NDC80: variants seen among roughly 807,000 people sequenced by gnomAD.
NDC80 encodes the protein kinetochore protein NDC80 homolog.
Under a neutral mutation model 89.3 loss-of-function variants are expected in NDC80, and 69 were observed. The observed-to-expected ratio is 0.77, with a 90% CI of 0.64 to 0.94. The LOEUF (loss-of-function observed/expected upper bound fraction) is 0.94, where lower values mean the gene tolerates loss of function less well. NDC80 is among the 40% of genes least tolerant of loss of function. The probability of loss-of-function intolerance (pLI) is 0.00; values close to 1 mark genes in which losing one functional copy is unlikely to be tolerated. For synonymous variants in NDC80, 243 were observed against 255.6 expected (o/e 0.95, Z 0.47); for missense variants, 593 against 739.6 (o/e 0.80, Z 2.30).
At chr18:2,583,787 C>T (rs922655988) in intron 6 of NDC80, among the ~76,000 whole-genome samples, 14 of 151,966 alleles carry the variant, frequency 9.2e-5, no homozygotes, top group African/African-American at 7.3e-5. Context: ...CTTCTGCATC[C>T]GCCTTAGATA....
chr18:2,585,181 A>C lies in NDC80; in HGVS notation c.648A>C (p.Glu216Asp). 1 of 1,612,654 alleles carries C rather than the reference A, an allele frequency of 6.2e-7. No homozygotes were observed. ...DDGQPWGEETEDGIMHNKLFL... is the reference protein window; with the variant it reads ...DDGQPWGEETDDGIMHNKLFL... ...GGCAGCCTTGGGGAGAAGAAACTGA[A>C]GATGGAATTATGCATAATAAGGTAC... is the stretch of plus-strand genomic sequence containing the variant. The change falls in exon 7 of 17, where the codon GAA becomes GAC. Residue 216 changes from glutamate to aspartate, a missense_variant. Transcript: ENST00000261597.
intron 10 of NDC80, among the ~76,000 whole-genome samples, chr18:2,590,765 A>G (rs8093338): frequency 0.39 from 59,485 of 152,050 alleles, 12,878 homozygotes; most frequent in East Asian, 0.68. Flanking sequence ...TACTCCTTAC[A>G]TGTTTTCAAG....
At chr18:2,586,969 C>G (rs2072605727) in intron 7 of NDC80, among the ~76,000 whole-genome samples, 1 of 152,120 alleles carries the variant, frequency 6.6e-6, no homozygotes, top group Non-Finnish European at 1.5e-5. Flanking sequence ...CAAAATTGAC[C>G]AAGCTTAAGG....
intron 15 of NDC80, among the ~76,000 whole-genome samples, chr18:2,610,382 A>G (rs1568013033): frequency 6.6e-6 from 1 of 152,106 alleles, no homozygotes; most frequent in Admixed American, 6.6e-5. Flanking sequence ...TTGGCCTGCA[A>G]TTTTATTGGT....
Position 2,578,931 on chromosome 18 carries a change from C to A in NDC80, c.481C>A (p.Pro161Thr). 1 of 1,497,996 alleles carries A rather than the reference C, an allele frequency of 6.7e-7. No individual in the cohort carries two copies. Among genetic ancestry groups the A allele is most frequent in the Non-Finnish European group, 8.9e-7 (1 of 1,120,010 alleles). 92.8% of individuals were successfully genotyped at this position (1,497,996 alleles called of 1,614,324 possible). The change falls in exon 6 of 17, where the codon CCT becomes ACT. Residue 161 changes from proline to threonine, a missense_variant. Physicochemically the swap from Pro to Thr is conservative, Grantham distance 38. Coordinates refer to ENST00000261597, the MANE Select transcript of NDC80 (RefSeq NM_006101.3). ...TGTTTTTCTGATTTCTCATAGGTATCCTTTTGCACTATCCAAAAGCTCCAT... is the reference window on the plus strand; with the variant it reads ...TGTTTTTCTGATTTCTCATAGGTATACTTTTGCACTATCCAAAAGCTCCAT... ...VPRIFKDLGYPFALSKSSMYT... is the reference protein window; with the variant it reads ...VPRIFKDLGYTFALSKSSMYT...
intron 12 of NDC80, among the ~76,000 whole-genome samples, chr18:2,600,869 T>C (rs2072680853): frequency 6.6e-6 from 1 of 152,234 alleles, no homozygotes. Context: ...AACGTCATTT[T>C]AACCTAAGTA....
At chr18:2,605,298 GT>G (rs1399897988) in intron 13 of NDC80, among the ~76,000 whole-genome samples, 1,688 of 149,480 alleles carry the variant, frequency 0.011, 39 homozygotes, top group African/African-American at 0.039. Context: ...GTGTGTGTGT[GT>G]GTGTGTGTGT....
chr18:2,577,726 G>A lies in NDC80; in HGVS notation c.180-20G>A. ...CAGAAGCAAATAGTTTTAACTGGCT[G>A]TTTAAAAATATATTTCCAGAACTAG... On this transcript the variant is annotated intron_variant, in intron 3 of 16. Transcript: ENST00000261597. 6.2e-7 allele frequency: 1 copy of A among 1,610,616 alleles called. No homozygotes were observed. Among genetic ancestry groups the A allele is most frequent in the Non-Finnish European group, 8.5e-7 (1 of 1,178,928 alleles).
intron 6 of NDC80, chr18:2,582,436 A>G (rs1286922383): frequency 2.0e-5 from 3 of 152,198 alleles, no homozygotes; most frequent in East Asian, 1.9e-4. Flanking sequence ...TTTTGTTACT[A>G]TGATGAACAG....
intron 9 of NDC80, 44 bp downstream of exon 9, chr18:2,589,354 C>A (rs761767025): frequency 2.3e-6 from 3 of 1,318,734 alleles, no homozygotes; most frequent in South Asian, 1.2e-5. Flanking sequence ...CTCTTTTAGA[C>A]TTTTGGGTGT....
chr18:2,584,287 C>CA (rs11297697), intron 6 of NDC80, among the ~76,000 whole-genome samples: 23,866 of 98,196 alleles, frequency 0.24, 2,395 homozygotes, highest in Middle Eastern at 0.37. Flanking sequence ...GACTCCGTCT[C>CA]AAAAAAAAAA....
chr18:2,577,827 T>C lies in NDC80; in HGVS notation c.261T>C (p.Asn87=). 4 of 1,614,168 alleles carry C rather than the reference T, an allele frequency of 2.5e-6. No homozygotes were observed. Among genetic ancestry groups the C allele is most frequent in the South Asian group, 2.2e-5 (2 of 91,084 alleles). The change falls in exon 4 of 17, where the codon AAT becomes AAC. Residue 87 remains asparagine, a synonymous_variant. Coordinates refer to ENST00000261597, the MANE Select transcript of NDC80 (RefSeq NM_006101.3). Reference sequence around the variant, plus strand: ...AAATCAAGGACCCGAGACCACTTAATGACAAAGCATTCATTCAGCAGTGTA... The same window carrying C: ...AAATCAAGGACCCGAGACCACTTAACGACAAAGCATTCATTCAGCAGTGTA... ...SEKIKDPRPL[N]DKAFIQQCIR...
At chr18:2,602,042 G>T (rs963611148) in intron 13 of NDC80, among the ~76,000 whole-genome samples, 11 of 152,040 alleles carry the variant, frequency 7.2e-5, no homozygotes, top group Non-Finnish European at 1.2e-4. Context: ...AGTAAACATT[G>T]TTAGTTAAGA....
Position 2,578,116 on chromosome 18 carries a change from G to A in NDC80, c.451G>A (p.Val151Ile). 1 of 1,613,868 alleles carries A rather than the reference G, an allele frequency of 6.2e-7. No individual in the cohort carries two copies. The highest frequency in any genetic ancestry group is 8.5e-7 in the Non-Finnish European group (1 of 1,179,954). The change falls in exon 5 of 17, where the codon GTT (valine) becomes ATT (isoleucine). Residue 151 changes from valine to isoleucine, a missense_variant. Coordinates refer to ENST00000261597, the MANE Select transcript of NDC80 (RefSeq NM_006101.3). ...ELPDTKFEEE[V>I]PRIFKDLGYP... ...TCCTGACACAAAGTTTGAAGAAGAG[G>A]TTCCAAGAATCTTTAAAGACCTTGG...
intron 7 of NDC80, among the ~76,000 whole-genome samples, chr18:2,586,539 A>G (rs2072603884): frequency 6.6e-6 from 1 of 152,094 alleles, no homozygotes; most frequent in Non-Finnish European, 1.5e-5. Flanking sequence ...AGACCAGCCT[A>G]AGCAACATGG....
In NDC80 at chr18:2,608,189, C is replaced by G. The variant is rs1346787288; in HGVS notation, c.1558-511C>G. Among the ~76,000 whole-genome samples, 21 of 149,880 alleles carry G rather than the reference C, an allele frequency of 1.4e-4. 1 individual carries two copies. Among genetic ancestry groups the G allele is most frequent in the Middle Eastern group, 3.2e-3 (1 of 310 alleles). The stretch of plus-strand genomic sequence containing the variant: ...TATTTTAAATTTTAATAAATATTTT[C>G]AAATTAAAAAATAATAAAATCACCT... On this transcript the variant is annotated intron_variant, in intron 14 of 16. Coordinates refer to ENST00000261597, the MANE Select transcript of NDC80 (RefSeq NM_006101.3).
chr18:2,613,779 C>T (rs7239727), intron 16 of NDC80, among the ~76,000 whole-genome samples: 9,523 of 151,968 alleles, frequency 0.063, 954 homozygotes, highest in African/African-American at 0.21. Flanking sequence ...TCAAAAGACA[C>T]GGAAAGAGAG....
chr18:2,607,998 T>TATATATATATAA (rs771183596), intron 14 of NDC80, among the ~76,000 whole-genome samples: 66 of 126,894 alleles, frequency 5.2e-4, no homozygotes, highest in East Asian at 4.4e-3. Context: ...TATATATATA[T>TATATATATATAA]AACTTATTTA....
At position 2,595,416 on chromosome 18, in the gene NDC80, A is replaced by G. The variant is rs1290882758; in HGVS notation, c.1016A>G (p.Glu339Gly). The G allele has an allele frequency of 1.2e-5, 20 of 1,612,582 alleles. No individual in the cohort carries two copies. The highest frequency in any genetic ancestry group is 1.7e-5 in the Non-Finnish European group (20 of 1,179,450). ...AAAATTTGGTTTTTTTCCAACACAG[A>G]ACTAGAATGTGAAACAATAAAACAG... is the stretch of plus-strand genomic sequence containing the variant. ...NGLNEEIARV[E>G]LECETIKQEN... The change falls in exon 11 of 17, where the codon GAA becomes GGA. Residue 339 changes from glutamate to glycine, a missense_variant and splice_region_variant. Physicochemically the swap from Glu to Gly is moderately conservative, Grantham distance 98. Transcript: ENST00000261597.
Sources: allele counts gnomAD v4.1 joint callset (sites outside exome capture counted in the v4.1 genomes callset), GRCh38; gene constraint gnomAD v4.1.1; transcripts MANE v1.5; gene names NCBI Gene and HGNC (gene_info 2026-07-23, HGNC 2026-07-21).